PAQR3: variants seen among roughly 807,000 people sequenced by gnomAD.
The protein encoded by PAQR3 is Raf kinase trapping to Golgi.
A neutral mutation model predicts 41.7 loss-of-function variants in PAQR3; 39 were observed. The observed-to-expected ratio is 0.93, with a 90% confidence interval of 0.72 to 1.22. PAQR3 has a LOEUF of 1.22. Ranked by LOEUF, PAQR3 falls within the 50% of genes most tolerant of loss-of-function variation. The probability of loss-of-function intolerance (pLI) is 0.00; values close to 1 mark genes in which losing one functional copy is unlikely to be tolerated. For synonymous variants in PAQR3, 140 were observed against 140.6 expected (o/e 1.00, Z 0.03); for missense variants, 366 against 385.6 (o/e 0.95, Z 0.42).
intron 11 of PAQR3, among the ~76,000 whole-genome samples, chr4:78,900,951 A>G (rs1423749129): frequency 6.8e-6 from 1 of 146,504 alleles, no homozygotes; most frequent in Non-Finnish European, 1.5e-5. Flanking sequence ...AGTGTGGTTT[A>G]TCAAAAGACC....
downstream of PAQR3, chr4:78,911,585 G>A (rs752366508): frequency 2.5e-6 from 4 of 1,613,958 alleles, no homozygotes; most frequent in East Asian, 6.7e-5. Context: ...CCTACCTATC[G>A]CACTCCAGAG....
chr4:78,938,915 G>T, intron 1 of PAQR3, 125 bp downstream of exon 1: 1 of 938,344 alleles, frequency 1.1e-6, no homozygotes, highest in Non-Finnish European at 1.6e-6. Flanking sequence ...AAAAAGGGAT[G>T]AAAAGGATGG....
chr4:78,930,382 C>G, intron 2 of PAQR3, 57 bp from the exon 3 acceptor site: 1 of 1,524,756 alleles, frequency 6.6e-7, no homozygotes, highest in Non-Finnish European at 8.9e-7. Flanking sequence ...GCAACTTATG[C>G]ATGATATTCA....
intron 11 of PAQR3, among the ~76,000 whole-genome samples, chr4:78,896,595 GATT>G (rs1172593106): frequency 1.3e-5 from 2 of 152,158 alleles, no homozygotes; most frequent in Non-Finnish European, 2.9e-5. Flanking sequence ...ATTTTGTCAT[GATT>G]ATTATACATG....
chr4:78,929,280 T>C (rs533250266), intron 3 of PAQR3, among the ~76,000 whole-genome samples: 1 of 152,240 alleles, frequency 6.6e-6, no homozygotes, highest in South Asian at 2.1e-4. Flanking sequence ...GTCTTGGTTC[T>C]GAAAGGGAGG....
At chr4:78,938,958 C>T (rs1241121190) in intron 1 of PAQR3, 82 bp downstream of exon 1, 1 of 1,331,854 alleles carries the variant, frequency 7.5e-7, no homozygotes, top group Non-Finnish European at 1.0e-6. Context: ...AGCAGAAAGG[C>T]GGGGAAAGCA....
chr4:78,890,537 A>T, intron 11 of PAQR3, among the ~76,000 whole-genome samples: 1 of 152,102 alleles, frequency 6.6e-6, no homozygotes, highest in East Asian at 1.9e-4. Context: ...GAGGTTTATT[A>T]TCTATCCCAT....
chr4:78,937,511 T>A (rs1737559216), intron 1 of PAQR3, among the ~76,000 whole-genome samples: 3 of 152,220 alleles, frequency 2.0e-5, no homozygotes, highest in Admixed American at 1.3e-4. Context: ...ATTATCATCA[T>A]CTGTTCAGCT....
At chr4:78,925,176 C>CAA (rs373252486) in intron 4 of PAQR3, among the ~76,000 whole-genome samples, 2 of 148,062 alleles carry the variant, frequency 1.4e-5, no homozygotes, top group African/African-American at 2.5e-5. Flanking sequence ...TTTCTGAATA[C>CAA]AAAAAAAAAA....
Position 78,906,396 on chromosome 4 carries a change from C to G in PAQR3, c.*783-235G>C, listed in dbSNP as rs539342082. Among the ~76,000 whole-genome samples, 11 of 152,110 alleles carry G rather than the reference C, an allele frequency of 7.2e-5. No homozygotes were observed. In the East Asian group the frequency reaches 1.9e-3, roughly 27 times the overall value. ...ATAAGTAAAACCAGTCTATCTACAC[C>G]AACAGAAAATTTCCCCAGTTGCCCG... On this transcript the variant is annotated intron_variant and NMD_transcript_variant, in intron 10 of 12. Coordinates refer to the PAQR3 transcript ENST00000342820.
Position 78,935,131 on chromosome 4 carries a change from A to G in PAQR3, c.338T>C (p.Phe113Ser), listed in dbSNP as rs1390876700. Reference protein sequence around the residue: ...EDFVICSICLFCFQVCMLCSV... With the variant: ...EDFVICSICLSCFQVCMLCSV... ...TGTGAAATGACTTACCTGGAAGCAG[A>G]AAAGACAAATAGAACAAATTACAAA... The change falls in exon 2 of 6, where the codon TTC becomes TCC. Residue 113 changes from phenylalanine (F) to serine (S), a missense_variant. Physicochemically the swap from Phe to Ser is radical, Grantham distance 155 (BLOSUM62 -2). Transcript: ENST00000512733. The G allele has an allele frequency of 6.2e-7, 1 of 1,612,572 alleles. No homozygotes were observed. The highest frequency in any genetic ancestry group is 1.3e-5 in the African/African-American group (1 of 74,988).
In PAQR3 at chr4:78,935,137, C is replaced by T; in HGVS notation, c.332G>A (p.Cys111Tyr). Residue 111 changes from cysteine (C) to tyrosine (Y), a missense_variant, in exon 2 of 6, where the codon TGT becomes TAT. Cys to Tyr is a radical substitution (Grantham distance 194). Transcript: ENST00000512733. The stretch of plus-strand genomic sequence containing the variant: ...ATGACTTACCTGGAAGCAGAAAAGA[C>T]AAATAGAACAAATTACAAAATCTTC... ...SREDFVICSICLFCFQVCMLC... is the reference protein window; with the variant it reads ...SREDFVICSIYLFCFQVCMLC... The T allele has an allele frequency of 1.2e-6, 2 of 1,612,586 alleles. No homozygotes were observed. Among genetic ancestry groups the T allele is most frequent in the Non-Finnish European group, 1.7e-6 (2 of 1,179,520 alleles).
intron 1 of PAQR3, 120 bp from the exon 2 acceptor site, chr4:78,935,403 C>G: frequency 1.5e-6 from 1 of 660,984 alleles, no homozygotes; most frequent in Admixed American, 3.4e-5. Context: ...CTTACCCCAC[C>G]TGTACCTTTC....
chr4:78,925,200 A>G (rs1047879190), intron 4 of PAQR3, among the ~76,000 whole-genome samples: 1 of 151,988 alleles, frequency 6.6e-6, no homozygotes, highest in Non-Finnish European at 1.5e-5. Flanking sequence ...CTTTTTCTTA[A>G]TTTCTCTAAA....
In PAQR3 at chr4:78,912,050, C is replaced by G; in HGVS notation, c.*8489G>C. ...AAACAGTAGATACTTCTGATGGATT[C>G]TCGGCATTAACTCCTGTTTCAAAAA... On this transcript the variant is annotated 3_prime_UTR_variant, in exon 6 of 6. Transcript: ENST00000512733. 6.4e-7 allele frequency: 1 copy of G among 1,564,832 alleles called. No homozygotes were observed. The highest frequency in any genetic ancestry group is 8.7e-7 in the Non-Finnish European group (1 of 1,153,358).
chr4:78,935,309 G>A (rs773193748), intron 1 of PAQR3, 26 bp from the exon 2 acceptor site: 41 of 1,599,878 alleles, frequency 2.6e-5, no homozygotes, highest in East Asian at 2.2e-4. Context: ...ACATGCAACT[G>A]AGATTCACAT....
chr4:78,889,946 G>A (rs1733340672), intron 11 of PAQR3, among the ~76,000 whole-genome samples: 1 of 152,146 alleles, frequency 6.6e-6, no homozygotes, highest in African/African-American at 2.4e-5. Context: ...AAGAACCACT[G>A]TCCTGAATCT....
chr4:78,933,372 T>C, intron 2 of PAQR3: 1 of 424,990 alleles, frequency 2.4e-6, no homozygotes. Context: ...TTACATTCTA[T>C]TGTTCAGAAT....
rs1735456350 is a variant in PAQR3, at chr4:78,919,612, G to A, written c.*927C>T. 1 of 984,986 alleles carries A rather than the reference G, an allele frequency of 1.0e-6. No individual in the cohort carries two copies. The highest frequency in any genetic ancestry group is 1.2e-6 in the Non-Finnish European group (1 of 829,760). The allele number at this position is 984,986 out of a possible 1,614,324, so 61.0% of individuals were successfully genotyped here. On this transcript the variant is annotated 3_prime_UTR_variant, in exon 6 of 6. Transcript: ENST00000512733. ...AAGGTTCATTTCAGGGTCAAGACAG[G>A]GCCATCTAGATTCTATGGCCTTGCA...
Sources: allele counts gnomAD v4.1 joint callset (sites outside exome capture counted in the v4.1 genomes callset), GRCh38; gene constraint gnomAD v4.1.1; transcripts MANE v1.5; gene names NCBI Gene and HGNC (gene_info 2026-07-23, HGNC 2026-07-21).